Variants in CAMKMT observed in about 807,000 individuals in gnomAD.
CAMKMT encodes CaM KMT.
A neutral mutation model predicts 48.0 loss-of-function variants in CAMKMT; 53 were observed. That is an observed-to-expected ratio of 1.10 (90% CI 0.89 to 1.39). The LOEUF is 1.39. CAMKMT is among the 40% of genes most tolerant of loss of function. The pLI, the probability that CAMKMT is intolerant of heterozygous loss-of-function variation, is 0.00. For missense variants in CAMKMT, 428 were observed against 402.7 expected (o/e 1.06, Z -0.54); for synonymous variants, 165 against 152.3 (o/e 1.08, Z -0.61).
intron 3 of CAMKMT, among the ~76,000 whole-genome samples, chr2:44,629,586 A>G (rs1572953255): frequency 6.6e-6 from 1 of 151,882 alleles, no homozygotes; most frequent in East Asian, 1.9e-4. Flanking sequence ...CTACAGGTGC[A>G]CACCACCATG....
intron 3 of CAMKMT, among the ~76,000 whole-genome samples, chr2:44,630,725 A>C (rs1311068272): frequency 1.3e-5 from 2 of 150,726 alleles, no homozygotes; most frequent in African/African-American, 4.9e-5. Context: ...TAGAATGGCA[A>C]TCATTAAAAA....
chr2:44,743,488 A>G (rs977759422), intron 7 of CAMKMT, 134 bp from the exon 8 acceptor site: 3 of 617,360 alleles, frequency 4.9e-6, no homozygotes, highest in Non-Finnish European at 8.6e-6. Flanking sequence ...CCTATTTTTT[A>G]TTATACCTTT....
At chr2:44,718,228 G>C (rs930690894) in intron 7 of CAMKMT, among the ~76,000 whole-genome samples, 1 of 152,114 alleles carries the variant, frequency 6.6e-6, no homozygotes, top group African/African-American at 2.4e-5. Flanking sequence ...TCTTCTCTTA[G>C]CTACCAAACT....
chr2:44,392,478 T>G (rs1681442548), intron 3 of CAMKMT, among the ~76,000 whole-genome samples: 2 of 152,102 alleles, frequency 1.3e-5, no homozygotes, highest in Admixed American at 1.3e-4. Context: ...GATTTTTCAC[T>G]TGATGCCTCA....
chr2:44,649,555 T>C (rs559983177), intron 3 of CAMKMT, among the ~76,000 whole-genome samples: 1 of 151,986 alleles, frequency 6.6e-6, no homozygotes, highest in African/African-American at 2.4e-5. Context: ...AAGACAGGCA[T>C]CTGCTGGGTA....
At chr2:44,559,408 C>G (rs1428435896) in intron 3 of CAMKMT, among the ~76,000 whole-genome samples, 1 of 152,228 alleles carries the variant, frequency 6.6e-6, no homozygotes, top group Non-Finnish European at 1.5e-5. Context: ...GTGTTCCTCT[C>G]TGTGATAATG....
intron 3 of CAMKMT, among the ~76,000 whole-genome samples, chr2:44,512,649 T>C (rs1351824772): frequency 6.6e-6 from 1 of 152,242 alleles, no homozygotes; most frequent in Non-Finnish European, 1.5e-5. Flanking sequence ...CTAGTATTTC[T>C]TCTCTATTGG....
intron 3 of CAMKMT, among the ~76,000 whole-genome samples, chr2:44,696,238 C>T (rs904163334): frequency 3.3e-5 from 5 of 152,076 alleles, no homozygotes; most frequent in South Asian, 2.1e-4. Context: ...CCACTGTGCC[C>T]GGCCAAAAAT....
intron 3 of CAMKMT, among the ~76,000 whole-genome samples, chr2:44,610,650 A>G (rs1453024893): frequency 6.6e-6 from 1 of 152,242 alleles, no homozygotes; most frequent in Non-Finnish European, 1.5e-5. Flanking sequence ...AAAAATAAGT[A>G]TCAGCAGTAA....
chr2:44,541,634 A>G (rs1667111179), intron 3 of CAMKMT, among the ~76,000 whole-genome samples: 1 of 151,918 alleles, frequency 6.6e-6, no homozygotes, highest in Non-Finnish European at 1.5e-5. Flanking sequence ...AGCTGCGCAT[A>G]GTGGTGCATC....
In CAMKMT at chr2:44,618,313, C is replaced by T. The variant is rs1055593597; in HGVS notation, c.377-85970C>T. On this transcript the variant is annotated intron_variant, in intron 3 of 10. Transcript: ENST00000378494. This position sits in a 1 kb window ranked among gnomAD's most constrained non-coding sequence, Gnocchi z 4.0. Reference sequence around the variant, plus strand: ...TTGCACTGCCATCAGAGTCATTTTACGACAGCCAGGGAGCAAAGCTCAGAG... The same window carrying T: ...TTGCACTGCCATCAGAGTCATTTTATGACAGCCAGGGAGCAAAGCTCAGAG... 2.0e-5 allele frequency among the ~76,000 whole-genome samples: 3 copies of T among 152,118 alleles called. No homozygotes were observed. Among genetic ancestry groups the T allele is most frequent in the East Asian group, 1.9e-4 (1 of 5,192 alleles).
At chr2:44,635,134 C>T (rs1673052180) in intron 3 of CAMKMT, among the ~76,000 whole-genome samples, 1 of 152,002 alleles carries the variant, frequency 6.6e-6, no homozygotes, top group African/African-American at 2.4e-5. Context: ...GTTGAGCATC[C>T]AAAGGGTGAG....
intron 3 of CAMKMT, among the ~76,000 whole-genome samples, chr2:44,517,229 T>A (rs939940687): frequency 2.0e-5 from 3 of 151,888 alleles, no homozygotes; most frequent in Non-Finnish European, 4.4e-5. Flanking sequence ...GTTTCAAAAA[T>A]TTTTTTTTGA....
chr2:44,725,228 T>C (rs1451938265), intron 7 of CAMKMT, among the ~76,000 whole-genome samples: 1 of 151,486 alleles, frequency 6.6e-6, no homozygotes, highest in Non-Finnish European at 1.5e-5. Context: ...ACATTCTTCT[T>C]TAAATAAGGG....
chr2:44,717,520 A>G (rs1439555385), intron 7 of CAMKMT, among the ~76,000 whole-genome samples: 1 of 152,228 alleles, frequency 6.6e-6, no homozygotes, highest in Non-Finnish European at 1.5e-5. Context: ...TATTAGTTCC[A>G]TGAGAGAAGA....
intron 3 of CAMKMT, among the ~76,000 whole-genome samples, chr2:44,691,446 G>T (rs537868795): frequency 5.3e-5 from 8 of 152,324 alleles, no homozygotes; most frequent in Admixed American, 2.6e-4. Context: ...CACGTTAATA[G>T]TCTGAGTTAA....
At chr2:44,643,376 C>G (rs1673555652) in intron 3 of CAMKMT, among the ~76,000 whole-genome samples, 1 of 152,030 alleles carries the variant, frequency 6.6e-6, no homozygotes, top group Admixed American at 6.6e-5. Flanking sequence ...TAATTCTTTG[C>G]AAGTATAATG....
intron 3 of CAMKMT, among the ~76,000 whole-genome samples, chr2:44,678,931 A>G (rs1266607547): frequency 6.6e-6 from 1 of 152,174 alleles, no homozygotes. Context: ...CTAATTGAGA[A>G]ATTTGGTTCT....
chr2:44,696,913 T>C (rs1391655537), intron 3 of CAMKMT, among the ~76,000 whole-genome samples: 2 of 151,978 alleles, frequency 1.3e-5, no homozygotes, highest in African/African-American at 4.8e-5. Flanking sequence ...AGAATGACCA[T>C]CAATAACAAT....
Sources: gnomAD v4.1 joint callset for allele counts (sites outside exome capture counted in the v4.1 genomes callset) on GRCh38, gnomAD v4.1.1 for gene constraint, Gnocchi (gnomAD v3.1) non-coding constraint, MANE v1.5 for transcripts, NCBI Gene and HGNC (gene_info 2026-07-23, HGNC 2026-07-21) for gene names.